The following AGTPBP1 variants were observed in gnomAD, a reference collection of about 807,000 sequenced individuals.
AGTPBP1 encodes the protein ATP/GTP binding carboxypeptidase 1.
Under a neutral mutation model 143.9 loss-of-function variants are expected in AGTPBP1, and 70 were observed. That is an observed-to-expected ratio of 0.49 (90% CI 0.40 to 0.59). The LOEUF is 0.59. Ranked by LOEUF, AGTPBP1 falls within the 20% of genes least tolerant of loss-of-function variation. AGTPBP1 has a pLI of 0.00. For missense variants in AGTPBP1, 1,229 were observed against 1,464.5 expected, an observed-to-expected ratio of 0.84 and a Z score of 2.62; for synonymous variants, 463 against 500.2, an observed-to-expected ratio of 0.93 and a Z score of 0.99.
chr9:85,708,804 G>A (rs946437965), intron 2 of AGTPBP1, among the ~76,000 whole-genome samples: 1 of 152,208 alleles, frequency 6.6e-6, no homozygotes, highest in Non-Finnish European at 1.5e-5. Context: ...CCAAAGTGCT[G>A]GGATTACAGG....
chr9:85,642,616 G>C (rs961661022), intron 13 of AGTPBP1, among the ~76,000 whole-genome samples: 2 of 151,364 alleles, frequency 1.3e-5, no homozygotes, highest in African/African-American at 4.9e-5. Flanking sequence ...ACAGGTGTGA[G>C]CCACCACGCC....
intron 25 of AGTPBP1, among the ~76,000 whole-genome samples, chr9:85,558,823 T>C (rs1251298371): frequency 2.0e-5 from 3 of 152,216 alleles, no homozygotes; most frequent in Non-Finnish European, 4.4e-5. Context: ...TTCACCACGT[T>C]GCCCAGGCTG....
At chr9:85,802,079 A>G in the AGTPBP1 span, among the ~76,000 whole-genome samples, 1 of 152,106 alleles carries the variant, frequency 6.6e-6, no homozygotes, top group Non-Finnish European at 1.5e-5. Flanking sequence ...TCTCATATGC[A>G]TTCCTTACAC....
intron 17 of AGTPBP1, among the ~76,000 whole-genome samples, chr9:85,603,723 G>A (rs895245006): frequency 2.0e-5 from 3 of 151,948 alleles, no homozygotes; most frequent in African/African-American, 7.3e-5. Flanking sequence ...ACAGCATTTC[G>A]GGACCTGCCC....
chr9:85,634,420 T>C (rs2133731082), intron 13 of AGTPBP1, among the ~76,000 whole-genome samples: 1 of 152,098 alleles, frequency 6.6e-6, no homozygotes, highest in South Asian at 2.1e-4. Flanking sequence ...ACCTGAGGTG[T>C]TCAAAGAACA....
At chr9:85,697,732 G>A (rs1277622177) in intron 2 of AGTPBP1, among the ~76,000 whole-genome samples, 3 of 152,072 alleles carry the variant, frequency 2.0e-5, no homozygotes, top group Non-Finnish European at 4.4e-5. Flanking sequence ...GATTACAGGC[G>A]TGAGCCACTG....
the AGTPBP1 span, among the ~76,000 whole-genome samples, chr9:85,779,718 G>A: frequency 3.3e-5 from 5 of 151,982 alleles, no homozygotes; most frequent in Admixed American, 3.3e-4. Context: ...AATTAAGCCG[G>A]GCATGGTGGC....
intron 23 of AGTPBP1, among the ~76,000 whole-genome samples, chr9:85,581,900 T>C (rs1353076257): frequency 6.6e-6 from 1 of 152,204 alleles, no homozygotes; most frequent in Admixed American, 6.5e-5. Context: ...TTGGAGCATT[T>C]TGGATTTCAG....
chr9:85,638,798 A>G (rs911867476), intron 13 of AGTPBP1, among the ~76,000 whole-genome samples: 2 of 152,078 alleles, frequency 1.3e-5, no homozygotes, highest in Admixed American at 1.3e-4. Context: ...ATAACAAAAA[A>G]CTAACAGACC....
intron 23 of AGTPBP1, among the ~76,000 whole-genome samples, chr9:85,580,934 C>T (rs1242838323): frequency 6.6e-6 from 1 of 152,184 alleles, no homozygotes; most frequent in Non-Finnish European, 1.5e-5. Context: ...ACAAAAACTG[C>T]ATATGCTACA....
intron 12 of AGTPBP1, among the ~76,000 whole-genome samples, chr9:85,644,014 A>C (rs545433650): frequency 4.7e-4 from 72 of 152,236 alleles, no homozygotes; most frequent in African/African-American, 1.7e-3. Flanking sequence ...ATCCTTAAAA[A>C]ACTTTATATA....
chr9:85,700,734 C>G (rs1836588065), intron 2 of AGTPBP1, among the ~76,000 whole-genome samples: 1 of 152,142 alleles, frequency 6.6e-6, no homozygotes, highest in South Asian at 2.1e-4. Context: ...ATGCCTTGGA[C>G]CCAGAGATAG....
intron 25 of AGTPBP1, among the ~76,000 whole-genome samples, chr9:85,567,805 G>A (rs1478363716): frequency 6.6e-6 from 1 of 152,152 alleles, no homozygotes; most frequent in African/African-American, 2.4e-5. Context: ...AGAACAGACT[G>A]AGAAATTCCA....
chr9:85,616,332 T>C (rs1830598986), intron 17 of AGTPBP1, among the ~76,000 whole-genome samples: 1 of 151,988 alleles, frequency 6.6e-6, no homozygotes, highest in Non-Finnish European at 1.5e-5. Context: ...GAATTAGTTT[T>C]AATTACAGAA....
chr9:85,612,329 T>C (rs938482352), intron 17 of AGTPBP1, among the ~76,000 whole-genome samples: 3 of 152,140 alleles, frequency 2.0e-5, no homozygotes, highest in African/African-American at 7.2e-5. Flanking sequence ...TTAATAATCA[T>C]ATCGATGTGA....
At chr9:85,619,825 G>A (rs556522501) in intron 15 of AGTPBP1, among the ~76,000 whole-genome samples, 2 of 152,142 alleles carry the variant, frequency 1.3e-5, no homozygotes, top group African/African-American at 4.8e-5. Context: ...TTGGTTCCCC[G>A]ACTGAATGCA....
chr9:85,550,747 G>A (rs765744371), intron 25 of AGTPBP1, among the ~76,000 whole-genome samples: 7 of 152,024 alleles, frequency 4.6e-5, no homozygotes, highest in East Asian at 1.9e-4. Flanking sequence ...CAGTATGCTC[G>A]GTAACATTCA....
chr9:85,746,501 T>C (rs971968146), upstream of AGTPBP1, among the ~76,000 whole-genome samples: 3 of 152,104 alleles, frequency 2.0e-5, no homozygotes, highest in Non-Finnish European at 2.9e-5. Context: ...TGGTGGTGCA[T>C]GCCTGTAGTC....
At chr9:85,559,032 C>G (rs1296575304) in intron 25 of AGTPBP1, among the ~76,000 whole-genome samples, 1 of 152,216 alleles carries the variant, frequency 6.6e-6, no homozygotes, top group African/African-American at 2.4e-5. Flanking sequence ...AATGTTTCAT[C>G]AGTCTCATTC....
Sources: gnomAD v4.1 joint callset for allele counts (sites outside exome capture counted in the v4.1 genomes callset) on GRCh38, gnomAD v4.1.1 for gene constraint, MANE v1.5 for transcripts, NCBI Gene and HGNC (gene_info 2026-07-23, HGNC 2026-07-21) for gene names.